Variants in SBF2 observed in about 807,000 individuals in gnomAD.
SBF2 encodes myotubularin-related protein 13.
A neutral mutation model predicts 225.2 loss-of-function variants in SBF2; 112 were observed. The ratio of observed to expected loss-of-function variants is 0.50; its 90% CI spans 0.43 to 0.58. SBF2 has a LOEUF of 0.58. Among genes scored for constraint, SBF2 ranks in the 20% least tolerant of loss-of-function variants. The pLI, the probability that SBF2 is intolerant of heterozygous loss-of-function variation, is 0.00. For synonymous variants in SBF2, 763 were observed against 773.3 expected, an observed-to-expected ratio of 0.99 and a Z score of 0.22; for missense variants, 1,996 against 2,206.2, an observed-to-expected ratio of 0.90 and a Z score of 1.91.
intron 26 of SBF2, 120 bp downstream of exon 26, chr11:9,839,378 T>G (rs964754541): frequency 1.0e-6 from 1 of 992,844 alleles, no homozygotes; most frequent in Non-Finnish European, 1.6e-6. Flanking sequence ...CCTGGAGACC[T>G]TGTTCTTATT....
rs1946618440 is a variant in SBF2, at chr11:9,974,980, AAAAAAAAAG to A, written c.1396-6444_1396-6436del. On this transcript the variant is annotated intron_variant, in intron 13 of 39. Transcript: ENST00000256190. ...TGACTCAAAAAAAAAAAAAAAAAAA[AAAAAAAAAG>A]AAAAAAAGAAACCAACTGACAATAC... Among the ~76,000 whole-genome samples the A allele has an allele frequency of 7.1e-4, 53 of 74,832 alleles. 2 individuals carry two copies. The highest frequency in any genetic ancestry group is 2.9e-3 in the South Asian group (6 of 2,034). 49.1% of individuals were successfully genotyped at this position (74,832 alleles called of 152,430 possible).
At chr11:9,989,981 T>C (rs1189158875) in intron 12 of SBF2, among the ~76,000 whole-genome samples, 2 of 152,234 alleles carry the variant, frequency 1.3e-5, no homozygotes, top group Non-Finnish European at 2.9e-5. Context: ...GTCCTAGCTC[T>C]GCTGACAGTG....
At chr11:10,143,198 T>C (rs1375166243) in intron 2 of SBF2, among the ~76,000 whole-genome samples, 1 of 151,900 alleles carries the variant, frequency 6.6e-6, no homozygotes, top group East Asian at 1.9e-4. Flanking sequence ...TGAGACAGAA[T>C]TTTGCTCCTG....
At chr11:9,794,676 CAAAAAAAAAAAAAAAAAAA>C (rs575749593) in intron 33 of SBF2, among the ~76,000 whole-genome samples, 2 of 35,348 alleles carry the variant, frequency 5.7e-5, no homozygotes, top group African/African-American at 1.1e-4. Context: ...GACTCCGTCT[CAAAAAAAAAAAAAAAAAAA>C]AAAAAAAAAA....
chr11:10,214,162 C>A (rs181332421), intron 1 of SBF2, among the ~76,000 whole-genome samples: 3 of 152,228 alleles, frequency 2.0e-5, no homozygotes, highest in African/African-American at 7.2e-5. Context: ...GGGGAGGGGA[C>A]AATCCTGTGC....
At chr11:9,843,367 A>T (rs1389387190) in intron 24 of SBF2, among the ~76,000 whole-genome samples, 1 of 152,254 alleles carries the variant, frequency 6.6e-6, no homozygotes, top group Non-Finnish European at 1.5e-5. Context: ...GAAGGAGAAA[A>T]ATAAGAAATC....
chr11:10,091,224 C>T lies in SBF2; in HGVS notation c.142-48243G>A, dbSNP rs188206471. Among the ~76,000 whole-genome samples, 3 of 152,246 alleles carry T rather than the reference C, an allele frequency of 2.0e-5. No individual in the cohort carries two copies. In the East Asian group the frequency reaches 5.8e-4, roughly 29 times the overall value. On this transcript the variant is annotated intron_variant, in intron 2 of 39. Coordinates refer to ENST00000256190, the MANE Select transcript of SBF2 (RefSeq NM_030962.4). Reference sequence around the variant, plus strand: ...CATATACAAGGTTCAAAATGAGTGGCACAAACAACAGATTTTAAAGGAGCT... The same window carrying T: ...CATATACAAGGTTCAAAATGAGTGGTACAAACAACAGATTTTAAAGGAGCT...
intron 2 of SBF2, among the ~76,000 whole-genome samples, chr11:10,174,878 T>A (rs1591135943): frequency 6.6e-6 from 1 of 150,674 alleles, no homozygotes; most frequent in Non-Finnish European, 1.5e-5. Context: ...AAGAAAAGAA[T>A]TTTCAACCCA....
intron 8 of SBF2, among the ~76,000 whole-genome samples, chr11:9,999,725 C>T (rs1156258111): frequency 1.3e-5 from 2 of 152,124 alleles, no homozygotes; most frequent in African/African-American, 4.8e-5. Context: ...TATTGATTTA[C>T]ACATATTTTT....
At chr11:10,034,674 G>A (rs966174847) in intron 3 of SBF2, among the ~76,000 whole-genome samples, 1 of 152,088 alleles carries the variant, frequency 6.6e-6, no homozygotes, top group Non-Finnish European at 1.5e-5. Flanking sequence ...TATAAAAGGA[G>A]GATAAAATTA....
chr11:10,126,308 C>T (rs866360852), intron 2 of SBF2, among the ~76,000 whole-genome samples: 19 of 151,808 alleles, frequency 1.3e-4, no homozygotes, highest in African/African-American at 3.6e-4. Context: ...TTAGGGTATA[C>T]CTAATTTGTT....
At chr11:9,980,987 A>T (rs1946931731) in intron 13 of SBF2, among the ~76,000 whole-genome samples, 1 of 152,264 alleles carries the variant, frequency 6.6e-6, no homozygotes, top group African/African-American at 2.4e-5. Context: ...ATTCCCTCAA[A>T]GAAAGATCAC....
chr11:9,879,788 A>G (rs10500711), intron 17 of SBF2, among the ~76,000 whole-genome samples: 11,359 of 152,228 alleles, frequency 0.075, 645 homozygotes, highest in East Asian at 0.29. Context: ...CATTTGTTTC[A>G]GATCTCAGGA....
chr11:10,182,103 T>C (rs1008203742), intron 2 of SBF2, among the ~76,000 whole-genome samples: 1 of 152,172 alleles, frequency 6.6e-6, no homozygotes, highest in African/African-American at 2.4e-5. Flanking sequence ...CATGGTAATA[T>C]CCGTAACTGG....
chr11:10,173,171 T>C (rs895803327), intron 2 of SBF2, among the ~76,000 whole-genome samples: 2 of 152,216 alleles, frequency 1.3e-5, no homozygotes, highest in East Asian at 1.9e-4. Flanking sequence ...GATGGCCGAA[T>C]AGGAACAGCT....
chr11:10,295,957 A>G (rs182208249), upstream of SBF2, among the ~76,000 whole-genome samples: 1 of 152,324 alleles, frequency 6.6e-6, no homozygotes, highest in East Asian at 1.9e-4. Flanking sequence ...TACATTCCCA[A>G]TGCTGTACAA....
rs1174378775 is a variant in SBF2 at position 9,808,898 on chromosome 11, T to C, written c.4257+3A>G. On this transcript the variant is annotated splice_donor_region_variant and intron_variant, in intron 31 of 39. Coordinates refer to ENST00000256190, the MANE Select transcript of SBF2 (RefSeq NM_030962.4). ...ATATCAAAAAATATGTCTAATAGTTTACTTGTGCAGTGATGTCCCAGCCTT... is the reference window on the plus strand; with the variant it reads ...ATATCAAAAAATATGTCTAATAGTTCACTTGTGCAGTGATGTCCCAGCCTT... The C allele has an allele frequency of 1.3e-6, 2 of 1,596,932 alleles. No homozygotes were observed. Among genetic ancestry groups the C allele is most frequent in the African/African-American group, 2.7e-5 (2 of 74,586 alleles).
At chr11:10,223,926 A>C (rs1012037315) in intron 1 of SBF2, among the ~76,000 whole-genome samples, 10 of 152,138 alleles carry the variant, frequency 6.6e-5, no homozygotes, top group African/African-American at 2.4e-4. Context: ...ACAATACTAC[A>C]GTATATACTT....
At position 9,812,576 on chromosome 11, in the gene SBF2, CT is replaced by C; in HGVS notation, c.4110del (p.Val1371Ter). Reference protein sequence around the residue: ...CIPSTIPTDSEVTFLKALGDS... With the variant: ...CIPSTIPTDSXVTFLKALGDS... Reference sequence around the variant, plus strand: ...TCTCCCAGCGCTTTCAGGAAGGTCACTTCTGAGTCAGTAGGGATGGTGCTTG... The same window carrying C: ...TCTCCCAGCGCTTTCAGGAAGGTCACTCTGAGTCAGTAGGGATGGTGCTTG... On this transcript the variant is annotated frameshift_variant, in exon 30 of 40. Transcript: ENST00000256190. LOFTEE classifies it high-confidence loss of function. The C allele has an allele frequency of 6.2e-7, 1 of 1,614,220 alleles. No individual in the cohort carries two copies. The highest frequency in any genetic ancestry group is 8.5e-7 in the Non-Finnish European group (1 of 1,180,036).
Sources: allele counts gnomAD v4.1 joint callset (sites outside exome capture counted in the v4.1 genomes callset), GRCh38; gene constraint gnomAD v4.1.1; transcripts MANE v1.5; gene names NCBI Gene and HGNC (gene_info 2026-07-23, HGNC 2026-07-21).